The following MYRIP variants were observed in gnomAD, a reference collection of about 807,000 sequenced individuals.
The protein encoded by MYRIP is rab effector MyRIP.
A neutral mutation model predicts 98.0 loss-of-function variants in MYRIP; 49 were observed. That is an observed-to-expected ratio of 0.50 (90% CI 0.40 to 0.63). MYRIP has a LOEUF of 0.63. Among genes scored for constraint, MYRIP ranks in the 30% least tolerant of loss-of-function variants. The pLI is 0.00. For synonymous variants in MYRIP, 404 were observed against 409.5 expected, an observed-to-expected ratio of 0.99 and a Z score of 0.16; for missense variants, 1,004 against 1,058.2, an observed-to-expected ratio of 0.95 and a Z score of 0.71.
At chr3:40,002,771 T>C (rs1430765654) in intron 2 of MYRIP, among the ~76,000 whole-genome samples, 1 of 152,104 alleles carries the variant, frequency 6.6e-6, no homozygotes, top group Non-Finnish European at 1.5e-5. Flanking sequence ...TATATGTACA[T>C]ATAGGTATAG....
At chr3:40,132,238 A>G (rs1949659893) in intron 3 of MYRIP, among the ~76,000 whole-genome samples, 1 of 152,218 alleles carries the variant, frequency 6.6e-6, no homozygotes, top group African/African-American at 2.4e-5. Context: ...AGCTGCAGAA[A>G]AGGAGCCTCA....
chr3:40,113,973 A>G (rs901902481), intron 3 of MYRIP, among the ~76,000 whole-genome samples: 1 of 152,154 alleles, frequency 6.6e-6, no homozygotes, highest in African/African-American at 2.4e-5. Flanking sequence ...ACAGGCATGA[A>G]CCACCGCACT....
At position 39,979,239 on chromosome 3, in the gene MYRIP, C is replaced by T. The variant is rs1307726991; in HGVS notation, c.111-64811C>T. 3.9e-5 allele frequency among the ~76,000 whole-genome samples: 6 copies of T among 152,268 alleles called. No individual in the cohort carries two copies. The South Asian group carries it at 1.2e-3, about 32-fold the overall frequency. On this transcript the variant is annotated intron_variant, in intron 2 of 16. Transcript: ENST00000302541. Reference sequence around the variant, plus strand: ...GACTCAAGCAATCATCCTGCCTCAGCCTCCTGAATAGCTGGGATATATAGA... The same window carrying T: ...GACTCAAGCAATCATCCTGCCTCAGTCTCCTGAATAGCTGGGATATATAGA...
At chr3:40,227,052 G>A (rs1032349883) in intron 11 of MYRIP, among the ~76,000 whole-genome samples, 1 of 152,228 alleles carries the variant, frequency 6.6e-6, no homozygotes, top group Non-Finnish European at 1.5e-5. Flanking sequence ...GTTGCTCACA[G>A]TGCAGGACAG....
chr3:40,091,932 G>A (rs1013684368), intron 3 of MYRIP, among the ~76,000 whole-genome samples: 2 of 152,094 alleles, frequency 1.3e-5, no homozygotes, highest in Non-Finnish European at 2.9e-5. Context: ...CTACTCCCTG[G>A]TAATGGTGCC....
intron 3 of MYRIP, among the ~76,000 whole-genome samples, chr3:40,090,181 G>A (rs1182902276): frequency 6.6e-6 from 1 of 152,050 alleles, no homozygotes; most frequent in Non-Finnish European, 1.5e-5. Flanking sequence ...CAAAATCCCT[G>A]ATCTTTCTGG....
At chr3:40,173,582 A>G (rs1256745494) in intron 8 of MYRIP, 2 of 152,300 alleles carry the variant, frequency 1.3e-5, no homozygotes, top group African/African-American at 4.8e-5. Context: ...CGTTTCATTC[A>G]TCCACACTCC....
At chr3:40,175,187 T>C (rs951134410) in intron 8 of MYRIP, among the ~76,000 whole-genome samples, 2 of 152,146 alleles carry the variant, frequency 1.3e-5, no homozygotes, top group East Asian at 1.9e-4. Context: ...GAGCTTCCAC[T>C]GTCCCAAATG....
intron 11 of MYRIP, among the ~76,000 whole-genome samples, chr3:40,217,148 G>A (rs1166137856): frequency 6.6e-6 from 1 of 152,070 alleles, no homozygotes; most frequent in Non-Finnish European, 1.5e-5. Context: ...CTAGTCTCAG[G>A]TATCTTTGAC....
rs568187608 is a variant in MYRIP, at chr3:40,091,381, T to C, written c.332+47110T>C. 5.4e-3 allele frequency among the ~76,000 whole-genome samples: 808 copies of C among 149,382 alleles called. 8 individuals carry two copies. The highest frequency in any genetic ancestry group is 0.018 in the African/African-American group (750 of 40,938). ...GCCACTGAAGGGGTCAACTATTAACTGAGAGGGTAGAGTAGAAGAGGGTCT... is the reference window on the plus strand; with the variant it reads ...GCCACTGAAGGGGTCAACTATTAACCGAGAGGGTAGAGTAGAAGAGGGTCT... On this transcript the variant is annotated intron_variant, in intron 3 of 16. Transcript: ENST00000302541.
intron 3 of MYRIP, among the ~76,000 whole-genome samples, chr3:40,075,062 A>C (rs1948315820): frequency 6.6e-6 from 1 of 152,232 alleles, no homozygotes. Context: ...TAACTGAAGT[A>C]ATACAACAAA....
intron 2 of MYRIP, among the ~76,000 whole-genome samples, chr3:40,022,886 G>A (rs1044009877): frequency 6.6e-6 from 1 of 152,118 alleles, no homozygotes; most frequent in Non-Finnish European, 1.5e-5. Context: ...TAGACGTTTT[G>A]AGTTTGATTC....
intron 2 of MYRIP, among the ~76,000 whole-genome samples, chr3:39,961,631 C>G (rs913801370): frequency 6.6e-6 from 1 of 152,088 alleles, no homozygotes; most frequent in Non-Finnish European, 1.5e-5. Context: ...TGACCTTGCT[C>G]TCTGGAAGAC....
intron 11 of MYRIP, among the ~76,000 whole-genome samples, chr3:40,219,472 C>T (rs1271172525): frequency 3.3e-5 from 5 of 152,120 alleles, no homozygotes; most frequent in Non-Finnish European, 7.4e-5. Context: ...TCTCCTAATG[C>T]TATCCCTCCC....
intron 11 of MYRIP, among the ~76,000 whole-genome samples, chr3:40,217,863 G>A (rs994205621): frequency 1.3e-5 from 2 of 152,016 alleles, no homozygotes; most frequent in Non-Finnish European, 2.9e-5. Flanking sequence ...CAGTGCAATA[G>A]GAAATAAAAA....
At chr3:39,996,421 C>A (rs1052369708) in intron 2 of MYRIP, among the ~76,000 whole-genome samples, 1 of 152,074 alleles carries the variant, frequency 6.6e-6, no homozygotes, top group Non-Finnish European at 1.5e-5. Context: ...CAACAAAGAT[C>A]AAAGGAGACA....
intron 2 of MYRIP, among the ~76,000 whole-genome samples, chr3:39,995,346 C>T (rs1035502317): frequency 1.3e-5 from 2 of 152,174 alleles, no homozygotes; most frequent in South Asian, 2.1e-4. Context: ...CCTTAAAGGA[C>T]CTGATGGAGC....
At chr3:40,092,877 G>C (rs1948755162) in intron 3 of MYRIP, among the ~76,000 whole-genome samples, 1 of 152,188 alleles carries the variant, frequency 6.6e-6, no homozygotes, top group African/African-American at 2.4e-5. Context: ...TCTGTCTTCT[G>C]TGTTCCCGTC....
chr3:39,849,239 A>C (rs999948441), intron 1 of MYRIP, among the ~76,000 whole-genome samples: 7 of 152,204 alleles, frequency 4.6e-5, no homozygotes, highest in Non-Finnish European at 8.8e-5. Context: ...GTGGGGTCCC[A>C]TATTCCAGTA....
Sources: gnomAD v4.1 joint callset for allele counts (sites outside exome capture counted in the v4.1 genomes callset) on GRCh38, gnomAD v4.1.1 for gene constraint, MANE v1.5 for transcripts, NCBI Gene and HGNC (gene_info 2026-07-23, HGNC 2026-07-21) for gene names.